The following RPL24 variants were observed in gnomAD, a reference collection of about 807,000 sequenced individuals.
RPL24 encodes large ribosomal subunit protein eL24.
Under a neutral mutation model 26.4 loss-of-function variants are expected in RPL24, and 7 were observed. That is an observed-to-expected ratio of 0.27 (90% CI 0.15 to 0.50). The LOEUF (loss-of-function observed/expected upper bound fraction) is 0.50. RPL24 is among the 20% of genes least tolerant of loss of function. RPL24 has a pLI of 0.98. For synonymous variants in RPL24, 67 were observed against 65.2 expected (o/e 1.03, Z -0.13); for missense variants, 109 against 194.9 (o/e 0.56, Z 2.62).
chr3:101,683,644 A>G (rs1053878344), intron 3 of RPL24, among the ~76,000 whole-genome samples: 3 of 152,062 alleles, frequency 2.0e-5, no homozygotes, highest in African/African-American at 7.2e-5. Context: ...CGAACACTTA[A>G]ACATTTTTTT....
chr3:101,685,803 G>C lies in RPL24; in HGVS notation c.192+15C>G, dbSNP rs1192507202. The stretch of plus-strand genomic sequence containing the variant: ...TTAAGAGATAGCCCCCAACATCAAG[G>C]CGTATTCCACTTACCGACTGTCCCT... On this transcript the variant is annotated intron_variant, in intron 3 of 5. Coordinates refer to ENST00000394077, the MANE Select transcript of RPL24 (RefSeq NM_000986.4). 1.4e-6 allele frequency: 2 copies of C among 1,430,126 alleles called. No homozygotes were observed. The highest frequency in any genetic ancestry group is 2.0e-6 in the Non-Finnish European group (2 of 1,016,692). The allele number at this position is 1,430,126 out of a possible 1,614,324, so 88.6% of individuals were successfully genotyped here.
chr3:101,684,698 G>A (rs914229175), intron 3 of RPL24, among the ~76,000 whole-genome samples: 1 of 142,788 alleles, frequency 7.0e-6, no homozygotes, highest in Non-Finnish European at 1.5e-5. Flanking sequence ...AGGATCACTT[G>A]AGCCCATAAG....
chr3:101,685,694 G>A (rs1425415971), intron 3 of RPL24, 124 bp downstream of exon 3: 11 of 527,364 alleles, frequency 2.1e-5, no homozygotes, highest in Non-Finnish European at 3.8e-5. Context: ...TTTTGCTGAC[G>A]CTTTACAGTT....
At chr3:101,685,596 C>A (rs1277689733) in intron 3 of RPL24, among the ~76,000 whole-genome samples, 1 of 152,222 alleles carries the variant, frequency 6.6e-6, no homozygotes, top group East Asian at 1.9e-4. Context: ...CGCAAAGGTG[C>A]TTAACGTAAT....
intron 3 of RPL24, among the ~76,000 whole-genome samples, chr3:101,684,762 AGGACCTGTCTCCCC>A (rs1937309833): frequency 8.6e-6 from 1 of 116,210 alleles, no homozygotes; most frequent in Non-Finnish European, 1.7e-5. Flanking sequence ...TGAGCAACAG[AGGACCTGTCTCCCC>A]AAAAAAAAAA....
chr3:101,682,648 A>C, intron 4 of RPL24, 123 bp downstream of exon 4: 1 of 1,234,650 alleles, frequency 8.1e-7, no homozygotes, highest in Non-Finnish European at 1.2e-6. Flanking sequence ...TTTGTCAATA[A>C]TTTTCATTAA....
chr3:101,683,095 C>T (rs943578122), intron 3 of RPL24, among the ~76,000 whole-genome samples, 188 bp from the exon 4 acceptor site: 2 of 152,064 alleles, frequency 1.3e-5, no homozygotes, highest in Non-Finnish European at 2.9e-5. Flanking sequence ...CAAATCCTAG[C>T]CATTTTTTTA....
intron 5 of RPL24, 64 bp downstream of exon 5, chr3:101,682,365 C>A: frequency 7.8e-7 from 1 of 1,289,914 alleles, no homozygotes; most frequent in Non-Finnish European, 1.1e-6. Flanking sequence ...AGCAAGACTC[C>A]GTCTCAAAAA....
At chr3:101,685,697 T>C (rs1937328712) in intron 3 of RPL24, 121 bp downstream of exon 3, 2 of 544,736 alleles carry the variant, frequency 3.7e-6, no homozygotes, top group East Asian at 2.9e-5. Context: ...TGCTGACGCT[T>C]TACAGTTTAA....
At chr3:101,684,561 T>G (rs1391307958) in intron 3 of RPL24, among the ~76,000 whole-genome samples, 1 of 152,126 alleles carries the variant, frequency 6.6e-6, no homozygotes, top group Non-Finnish European at 1.5e-5. Flanking sequence ...GGAGGATTAC[T>G]TGAGCCCAAG....
Position 101,685,923 on chromosome 3 carries a change from G to A in RPL24, c.87C>T (p.Phe29=), listed in dbSNP as rs754792879. The A allele has an allele frequency of 3.7e-6, 6 of 1,606,208 alleles. No individual in the cohort carries two copies. Among genetic ancestry groups the A allele is most frequent in the Non-Finnish European group, 4.3e-6 (5 of 1,172,788 alleles). Residue 29 remains phenylalanine (F), a synonymous_variant, in exon 3 of 6, where the codon TTC becomes TTT. Transcript: ENST00000394077. ...ACTCGCATTTCGCATTAAGAAACTG[G>A]AAAACCTAGAGTGACAAATGCAAAG... The part of the protein sequence containing the change: ...RRYARTDGKV[F]QFLNAKCESA...
chr3:101,684,416 T>C, intron 3 of RPL24, among the ~76,000 whole-genome samples: 1 of 149,800 alleles, frequency 6.7e-6, no homozygotes, highest in East Asian at 2.0e-4. Flanking sequence ...GATCCACTCG[T>C]TTTGGCCTCC....
Position 101,682,751 on chromosome 3 carries a change from A to C in RPL24, c.329+20T>G. ...ATCCATCCGAATAGGTAAAATGCTC[A>C]TAATGAAAGCATTCCTCACCTGATA... On this transcript the variant is annotated intron_variant, in intron 4 of 5. Coordinates refer to ENST00000394077, the MANE Select transcript of RPL24 (RefSeq NM_000986.4). 1 of 1,609,482 alleles carries C rather than the reference A, an allele frequency of 6.2e-7. No individual in the cohort carries two copies. Among genetic ancestry groups the C allele is most frequent in the Non-Finnish European group, 8.5e-7 (1 of 1,178,000 alleles).
At position 101,685,805 on chromosome 3, in the gene RPL24, G is replaced by A. The variant is rs766185590; in HGVS notation, c.192+13C>T. The A allele has an allele frequency of 4.1e-6, 6 of 1,461,266 alleles. No individual in the cohort carries two copies. Among genetic ancestry groups the A allele is most frequent in the Middle Eastern group, 1.9e-4 (1 of 5,352 alleles). 90.5% of individuals were successfully genotyped at this position (1,461,266 alleles called of 1,614,324 possible). Reference sequence around the variant, plus strand: ...AAGAGATAGCCCCCAACATCAAGGCGTATTCCACTTACCGACTGTCCCTTT... The same window carrying A: ...AAGAGATAGCCCCCAACATCAAGGCATATTCCACTTACCGACTGTCCCTTT... On this transcript the variant is annotated intron_variant, in intron 3 of 5. Coordinates refer to ENST00000394077, the MANE Select transcript of RPL24 (RefSeq NM_000986.4).
chr3:101,686,588 G>A, intron 1 of RPL24, 31 bp from the exon 2 acceptor site: 8 of 1,614,056 alleles, frequency 5.0e-6, no homozygotes, highest in Non-Finnish European at 5.9e-6. Flanking sequence ...CCATCAGGGA[G>A]GGTGTCTACA....
chr3:101,681,257 T>C, intron 5 of RPL24, 42 bp from the exon 6 acceptor site: 2 of 1,352,272 alleles, frequency 1.5e-6, no homozygotes, highest in South Asian at 2.3e-5. Flanking sequence ...AAACTTTTGT[T>C]ACCCTATTAT....
intron 4 of RPL24, 133 bp downstream of exon 4, chr3:101,682,638 T>C: frequency 2.5e-6 from 3 of 1,193,012 alleles, no homozygotes; most frequent in Non-Finnish European, 3.6e-6. Context: ...ATCCAAAGAA[T>C]TTGTCAATAA....
At chr3:101,686,307 TAATC>T (rs1937341194) in intron 2 of RPL24, 171 bp downstream of exon 2, 4 of 607,794 alleles carry the variant, frequency 6.6e-6, no homozygotes, top group South Asian at 6.1e-5. Context: ...TCACAATAAA[TAATC>T]AACACTGGTT....
At chr3:101,682,959 G>A in intron 3 of RPL24, 52 bp from the exon 4 acceptor site, 1 of 1,547,772 alleles carries the variant, frequency 6.5e-7, no homozygotes, top group Non-Finnish European at 8.8e-7. Context: ...CAAGAATTTA[G>A]AGGGAGGAAA....
Sources: gnomAD v4.1 joint callset for allele counts (sites outside exome capture counted in the v4.1 genomes callset) on GRCh38, gnomAD v4.1.1 for gene constraint, MANE v1.5 for transcripts, NCBI Gene and HGNC (gene_info 2026-07-23, HGNC 2026-07-21) for gene names.